Variants in KIAA0825 observed in about 807,000 individuals in gnomAD.
KIAA0825 encodes KIAA0825.
KIAA0825 carries 119 observed loss-of-function variants against 147.6 expected under a neutral mutation model. That is an observed-to-expected ratio of 0.81 (90% CI 0.69 to 0.94). The LOEUF (loss-of-function observed/expected upper bound fraction) is 0.94, where lower values mean the gene tolerates loss of function less well. KIAA0825 is among the 40% of genes least tolerant of loss of function. The pLI is 0.00. For synonymous variants in KIAA0825, 470 were observed against 518.1 expected, an observed-to-expected ratio of 0.91 and a Z score of 1.26; for missense variants, 1,381 against 1,472.7, an observed-to-expected ratio of 0.94 and a Z score of 1.02.
At chr5:94,279,685 C>T (rs1312132250) in intron 20 of KIAA0825, among the ~76,000 whole-genome samples, 2 of 151,998 alleles carry the variant, frequency 1.3e-5, no homozygotes, top group Non-Finnish European at 2.9e-5. Context: ...CTCTTCCCTA[C>T]TGAATGCCTA....
At chr5:94,249,730 T>A (rs971962179) in intron 20 of KIAA0825, among the ~76,000 whole-genome samples, 2 of 152,020 alleles carry the variant, frequency 1.3e-5, no homozygotes, top group African/African-American at 4.8e-5. Flanking sequence ...TAAAGAAGCC[T>A]TATTTTTTTT....
At chr5:94,230,325 A>T (rs1774578737) in intron 20 of KIAA0825, among the ~76,000 whole-genome samples, 1 of 152,138 alleles carries the variant, frequency 6.6e-6, no homozygotes, top group South Asian at 2.1e-4. Flanking sequence ...TAGTTTTAGA[A>T]ATAAGTCTTC....
intron 12 of KIAA0825, among the ~76,000 whole-genome samples, chr5:94,457,227 C>T (rs1353801381): frequency 6.6e-6 from 1 of 152,106 alleles, no homozygotes; most frequent in African/African-American, 2.4e-5. Context: ...TATGAGCTAG[C>T]TATTAGACAA....
chr5:94,195,561 T>C (rs1304234059), intron 20 of KIAA0825, among the ~76,000 whole-genome samples: 1 of 151,776 alleles, frequency 6.6e-6, no homozygotes, highest in Non-Finnish European at 1.5e-5. Context: ...AAACACATGC[T>C]CCCTGGCTCC....
intron 20 of KIAA0825, among the ~76,000 whole-genome samples, chr5:94,192,854 G>A (rs1770797669): frequency 6.6e-6 from 1 of 152,166 alleles, no homozygotes; most frequent in Non-Finnish European, 1.5e-5. Flanking sequence ...CCTTTTATAT[G>A]TGGAGTTGGC....
At chr5:94,509,834 T>C (rs894931444) in intron 5 of KIAA0825, among the ~76,000 whole-genome samples, 5 of 152,172 alleles carry the variant, frequency 3.3e-5, no homozygotes, top group African/African-American at 1.2e-4. Context: ...CCATACATCA[T>C]AACTGGGAAC....
chr5:94,217,990 T>C (rs78866929), intron 20 of KIAA0825, among the ~76,000 whole-genome samples: 3,027 of 152,266 alleles, frequency 0.02, 89 homozygotes, highest in African/African-American at 0.069. Context: ...TCAGGGAACA[T>C]TGAATATATG....
intron 14 of KIAA0825, among the ~76,000 whole-genome samples, chr5:94,427,170 T>A (rs1161884052): frequency 6.6e-6 from 1 of 152,216 alleles, no homozygotes; most frequent in Non-Finnish European, 1.5e-5. Flanking sequence ...TATGTAAGTA[T>A]AAGTAGGTGT....
chr5:94,614,911 T>C (rs1042229928), intron 1 of KIAA0825, among the ~76,000 whole-genome samples: 1 of 152,204 alleles, frequency 6.6e-6, no homozygotes, highest in African/African-American at 2.4e-5. Flanking sequence ...AGAAAAAGAA[T>C]CAATATTTAT....
At position 94,300,287 on chromosome 5, in the gene KIAA0825, A is replaced by G. The variant is rs377285254; in HGVS notation, c.3710+84081T>C. ...ATTATGCTAGAATGATAACAGATCTAGTTATTCATTTTTATTTTACAAAGT... is the reference window on the plus strand; with the variant it reads ...ATTATGCTAGAATGATAACAGATCTGGTTATTCATTTTTATTTTACAAAGT... On this transcript the variant is annotated intron_variant, in intron 20 of 20. Transcript: ENST00000682413. 5.3e-5 allele frequency among the ~76,000 whole-genome samples: 8 copies of G among 152,268 alleles called. No homozygotes were observed. In the South Asian group the frequency reaches 1.7e-3, roughly 32 times the overall value.
intron 2 of KIAA0825, among the ~76,000 whole-genome samples, chr5:94,564,367 A>G (rs1778167579): frequency 6.7e-6 from 1 of 149,510 alleles, no homozygotes; most frequent in African/African-American, 2.5e-5. Context: ...ATGAGCCACC[A>G]TGCCTAATTT....
intron 20 of KIAA0825, among the ~76,000 whole-genome samples, chr5:94,298,407 A>G (rs951982837): frequency 5.9e-5 from 9 of 152,212 alleles, no homozygotes; most frequent in South Asian, 2.1e-4. Context: ...TGCATAACTA[A>G]GAAGACTTGT....
intron 19 of KIAA0825, among the ~76,000 whole-genome samples, chr5:94,385,322 C>T (rs547920769): frequency 6.6e-6 from 1 of 152,320 alleles, no homozygotes; most frequent in East Asian, 1.9e-4. Flanking sequence ...TAGAGCACTA[C>T]AATCCTGTCA....
chr5:94,579,110 C>T (rs934035467), intron 2 of KIAA0825, among the ~76,000 whole-genome samples: 3 of 152,026 alleles, frequency 2.0e-5, no homozygotes, highest in Admixed American at 6.5e-5. Context: ...TTAGTAGAGA[C>T]GGGGTTTCAC....
At chr5:94,294,156 T>G (rs542185004) in intron 20 of KIAA0825, among the ~76,000 whole-genome samples, 8 of 152,338 alleles carry the variant, frequency 5.3e-5, no homozygotes, top group African/African-American at 1.9e-4. Context: ...TATGTGTGTA[T>G]TTGATCCTGT....
chr5:94,267,583 A>G, intron 20 of KIAA0825, among the ~76,000 whole-genome samples: 1 of 152,176 alleles, frequency 6.6e-6, no homozygotes, highest in East Asian at 1.9e-4. Context: ...ACAACTTTTC[A>G]TATTACTAGA....
intron 3 of KIAA0825, among the ~76,000 whole-genome samples, chr5:94,529,756 C>G (rs1770398512): frequency 6.6e-6 from 1 of 152,050 alleles, no homozygotes; most frequent in African/African-American, 2.4e-5. Flanking sequence ...AGGAAAAATG[C>G]ATTTGAAGAT....
intron 20 of KIAA0825, among the ~76,000 whole-genome samples, chr5:94,323,736 C>T (rs1780424182): frequency 6.6e-6 from 1 of 151,618 alleles, no homozygotes; most frequent in Admixed American, 6.6e-5. Flanking sequence ...GCATCCTACA[C>T]CTGATATTTA....
intron 20 of KIAA0825, among the ~76,000 whole-genome samples, chr5:94,154,575 A>G (rs73773567): frequency 0.018 from 2,774 of 152,274 alleles, 89 homozygotes; most frequent in African/African-American, 0.063. Flanking sequence ...TTACTTGGAT[A>G]TACCTTAAGG....
Sources: gnomAD v4.1 joint callset for allele counts (sites outside exome capture counted in the v4.1 genomes callset) on GRCh38, gnomAD v4.1.1 for gene constraint, MANE v1.5 for transcripts, NCBI Gene and HGNC (gene_info 2026-07-23, HGNC 2026-07-21) for gene names.